Variants in TPRG1 observed in about 807,000 individuals in gnomAD.
TPRG1 encodes the protein tumor protein p63 regulated 1, also known as tumor protein p63-regulated gene 1 protein.
TPRG1 carries 29 observed loss-of-function variants against 29.3 expected under a neutral mutation model. That is an observed-to-expected ratio of 0.99 (90% confidence interval 0.74 to 1.35). TPRG1 has a LOEUF of 1.35. Ranked by LOEUF, TPRG1 falls within the 40% of genes most tolerant of loss-of-function variation. TPRG1 has a pLI of 0.00. For synonymous variants in TPRG1, 130 were observed against 116.8 expected, an observed-to-expected ratio of 1.11 and a Z score of -0.73; for missense variants, 327 against 335.0, an observed-to-expected ratio of 0.98 and a Z score of 0.19.
At chr3:189,032,843 C>T (rs849002) in intron 4 of TPRG1, among the ~76,000 whole-genome samples, 175 of 148,666 alleles carry the variant, frequency 1.2e-3, no homozygotes, top group Middle Eastern at 3.4e-3. Context: ...TGAGAACATG[C>T]GGTGTTTGGT....
intron 1 of TPRG1, among the ~76,000 whole-genome samples, chr3:189,105,637 G>A (rs1034241463): frequency 2.6e-5 from 4 of 152,104 alleles, no homozygotes; most frequent in East Asian, 3.9e-4. Flanking sequence ...TTCAACTGCT[G>A]GTTTTGAGTC....
intron 2 of TPRG1, among the ~76,000 whole-genome samples, chr3:189,208,178 TA>T (rs1434156720): frequency 2.6e-5 from 4 of 152,206 alleles, no homozygotes; most frequent in African/African-American, 9.7e-5. Context: ...ATCTGGATGT[TA>T]AAAAAGCAGT....
chr3:189,080,272 A>T (rs1717500799), intron 4 of TPRG1, among the ~76,000 whole-genome samples: 1 of 152,168 alleles, frequency 6.6e-6, no homozygotes, highest in Non-Finnish European at 1.5e-5. Context: ...CCAAACAGAG[A>T]ATAGTAAGGC....
chr3:189,146,150 G>GTT (rs1453245641), intron 3 of TPRG1, among the ~76,000 whole-genome samples: 1 of 152,118 alleles, frequency 6.6e-6, no homozygotes, highest in Non-Finnish European at 1.5e-5. Flanking sequence ...ACATCAGCTG[G>GTT]TTTTCCCTGT....
At chr3:189,320,538 A>G in intron 5 of TPRG1, 88 bp from the exon 6 acceptor site, 1 of 1,164,312 alleles carries the variant, frequency 8.6e-7, no homozygotes, top group Non-Finnish European at 1.2e-6. Flanking sequence ...GAGAGTAGTC[A>G]ACTTCTGTGA....
At chr3:189,318,233 T>A (rs1469252154) in intron 5 of TPRG1, among the ~76,000 whole-genome samples, 1 of 152,142 alleles carries the variant, frequency 6.6e-6, no homozygotes, top group Non-Finnish European at 1.5e-5. Flanking sequence ...AGCAAAAGAT[T>A]GTCTGGCCTA....
chr3:189,180,945 G>A lies in TPRG1; in HGVS notation c.-10+8814G>A, dbSNP rs183137450. ...ATTTCCATACATCTTCTAAAATCTA[G>A]GCAGAGGTTCCCAAACCCCAGTTCT... On this transcript the variant is annotated intron_variant, in intron 1 of 5. Coordinates refer to ENST00000345063, the MANE Select transcript of TPRG1 (RefSeq NM_198485.4). 2.6e-5 allele frequency among the ~76,000 whole-genome samples: 4 copies of A among 152,278 alleles called. No individual in the cohort carries two copies. The East Asian group carries it at 5.8e-4, about 22-fold the overall frequency.
At chr3:189,081,115 C>T (rs375005922) in intron 4 of TPRG1, among the ~76,000 whole-genome samples, 71 of 152,194 alleles carry the variant, frequency 4.7e-4, no homozygotes, top group African/African-American at 1.5e-3. Context: ...GTGATTGAAA[C>T]GGGCTGGTGA....
chr3:189,276,293 G>C (rs1259873805), intron 4 of TPRG1, among the ~76,000 whole-genome samples: 1 of 152,162 alleles, frequency 6.6e-6, no homozygotes, highest in South Asian at 2.1e-4. Context: ...GCTGGAAGTA[G>C]GGGGTTGTGG....
intron 3 of TPRG1, among the ~76,000 whole-genome samples, chr3:189,135,042 T>C (rs1723578495): frequency 6.6e-6 from 1 of 152,232 alleles, no homozygotes; most frequent in East Asian, 1.9e-4. Context: ...TTTAGTCTAC[T>C]TCCTTACAGT....
At chr3:189,287,644 G>A (rs913071825) in intron 4 of TPRG1, among the ~76,000 whole-genome samples, 20 of 152,054 alleles carry the variant, frequency 1.3e-4, no homozygotes, top group Non-Finnish European at 2.2e-4. Context: ...TGATCTGCCC[G>A]CCTCAGCCTC....
intron 1 of TPRG1, among the ~76,000 whole-genome samples, chr3:189,195,804 G>T (rs1732440240): frequency 6.6e-6 from 1 of 152,184 alleles, no homozygotes; most frequent in South Asian, 2.1e-4. Flanking sequence ...AGGTGATCCT[G>T]ATTAAGGGAT....
intron 1 of TPRG1, among the ~76,000 whole-genome samples, chr3:189,103,058 C>A (rs6801286): frequency 0.43 from 65,935 of 152,078 alleles, 19,483 homozygotes; most frequent in African/African-American, 0.83. Flanking sequence ...CACCTGGTAC[C>A]TATTTCTGCC....
chr3:189,315,946 A>G (rs1027126428), intron 5 of TPRG1, among the ~76,000 whole-genome samples: 2 of 152,236 alleles, frequency 1.3e-5, no homozygotes, highest in South Asian at 4.1e-4. Context: ...GTCTGATGAC[A>G]TTTGATATGA....
intron 4 of TPRG1, among the ~76,000 whole-genome samples, chr3:189,239,651 C>T (rs1740188054): frequency 1.3e-5 from 2 of 152,158 alleles, no homozygotes; most frequent in Admixed American, 6.5e-5. Flanking sequence ...AGGGGAAGAA[C>T]ATTCCAAAGC....
intron 4 of TPRG1, among the ~76,000 whole-genome samples, chr3:189,071,205 C>A (rs1400114974): frequency 2.6e-5 from 4 of 152,104 alleles, no homozygotes; most frequent in Admixed American, 2.0e-4. Flanking sequence ...TGCAGGGGAC[C>A]AGCCATCACT....
At chr3:189,221,430 T>C (rs1205187415) in intron 3 of TPRG1, among the ~76,000 whole-genome samples, 1 of 152,170 alleles carries the variant, frequency 6.6e-6, no homozygotes, top group African/African-American at 2.4e-5. Flanking sequence ...CAGTATTATA[T>C]TGTAACCTTC....
chr3:189,269,090 G>A (rs542555393), intron 4 of TPRG1, among the ~76,000 whole-genome samples: 1 of 151,384 alleles, frequency 6.6e-6, no homozygotes, highest in East Asian at 1.9e-4. Flanking sequence ...AACATCCTGA[G>A]GTTTTTTTTT....
intron 4 of TPRG1, among the ~76,000 whole-genome samples, chr3:189,301,245 G>A (rs1720783720): frequency 1.5e-5 from 2 of 136,188 alleles, no homozygotes; most frequent in South Asian, 4.7e-4. Flanking sequence ...GTTGCAGTGA[G>A]CCAAGATCCT....
Sources: allele counts gnomAD v4.1 joint callset (sites outside exome capture counted in the v4.1 genomes callset), GRCh38; gene constraint gnomAD v4.1.1; transcripts MANE v1.5; gene names NCBI Gene and HGNC (gene_info 2026-07-23, HGNC 2026-07-21).